Variants in LANCL1 observed in about 807,000 individuals in gnomAD.
LANCL1 encodes glutathione S-transferase LANCL1.
LANCL1 carries 50 observed loss-of-function variants against 50.6 expected under a neutral mutation model. That is an observed-to-expected ratio of 0.99 (90% CI 0.79 to 1.25). The LOEUF (loss-of-function observed/expected upper bound fraction) is 1.25, where lower values mean the gene tolerates loss of function less well. LANCL1 is among the 50% of genes most tolerant of loss of function. The probability of loss-of-function intolerance (pLI) is 0.00; values close to 1 mark genes in which losing one functional copy is unlikely to be tolerated. For missense variants in LANCL1, 532 were observed against 480.7 expected (o/e 1.11, Z -1.00); for synonymous variants, 188 against 178.6 (o/e 1.05, Z -0.42).
chr2:210,454,363 G>A (rs1431107586), intron 4 of LANCL1, among the ~76,000 whole-genome samples: 2 of 152,026 alleles, frequency 1.3e-5, no homozygotes, highest in African/African-American at 4.8e-5. Flanking sequence ...CCAGCAAACA[G>A]TATAAGATTA....
chr2:210,460,783 C>G (rs534786549), intron 3 of LANCL1: 1 of 152,278 alleles, frequency 6.6e-6, no homozygotes, highest in South Asian at 2.1e-4. Flanking sequence ...AGTGCTTTCA[C>G]AGATGATCTG....
In LANCL1 at chr2:210,436,424, G is replaced by A. The variant is rs76379821; in HGVS notation, c.874-32C>T. 4.3e-3 allele frequency: 6,845 copies of A among 1,595,662 alleles called. 239 individuals are homozygous for A. In the African/African-American group the frequency reaches 0.078, roughly 18 times the overall value. On this transcript the variant is annotated intron_variant, in intron 7 of 9. Transcript: ENST00000450366. ...AGGCAAAGGACACATTTTATTATAC[G>A]GGATATAAAAGAAAGTTCCATTGAT... is the stretch of plus-strand genomic sequence containing the variant.
intron 3 of LANCL1, 99 bp from the exon 4 acceptor site, chr2:210,455,413 T>C (rs1046757967): frequency 4.2e-5 from 39 of 925,694 alleles, no homozygotes; most frequent in Non-Finnish European, 5.9e-5. Context: ...TGATAACCTG[T>C]AGCAAATTTA....
At chr2:210,438,322 A>G (rs1693010185) in intron 6 of LANCL1, among the ~76,000 whole-genome samples, 1 of 151,924 alleles carries the variant, frequency 6.6e-6, no homozygotes, top group South Asian at 2.1e-4. Context: ...TTTAGTAAAG[A>G]CGGGGTTTCA....
intron 3 of LANCL1, among the ~76,000 whole-genome samples, chr2:210,463,023 G>C (rs1693915021): frequency 6.6e-6 from 1 of 152,150 alleles, no homozygotes; most frequent in Non-Finnish European, 1.5e-5. Flanking sequence ...TAGAGGCTGA[G>C]AGTAAACACA....
At chr2:210,467,380 A>C (rs1694099121) in intron 3 of LANCL1, among the ~76,000 whole-genome samples, 1 of 152,068 alleles carries the variant, frequency 6.6e-6, no homozygotes, top group African/African-American at 2.4e-5. Context: ...TGCCTCTGCC[A>C]CCCATGAGAG....
chr2:210,464,553 T>C (rs1192249160), intron 3 of LANCL1, among the ~76,000 whole-genome samples: 12 of 151,986 alleles, frequency 7.9e-5, no homozygotes. Flanking sequence ...ACCAGAAATA[T>C]CGAAAAAATT....
At chr2:210,447,302 T>G (rs578009580) in intron 4 of LANCL1, among the ~76,000 whole-genome samples, 4 of 152,202 alleles carry the variant, frequency 2.6e-5, no homozygotes, top group African/African-American at 9.6e-5. Flanking sequence ...GACAAGCAAA[T>G]GCTGAGAGAT....
chr2:210,456,420 T>G (rs1324884235), intron 3 of LANCL1, among the ~76,000 whole-genome samples: 2 of 152,176 alleles, frequency 1.3e-5, no homozygotes, highest in African/African-American at 4.8e-5. Flanking sequence ...CAATTCAATT[T>G]CACATGTATA....
rs1692839668 is a variant in LANCL1, at chr2:210,434,168, T to C, written c.*319A>G. The stretch of plus-strand genomic sequence containing the variant: ...TAAACATTTTTAGAACAGTAACAGA[T>C]GGTTATATTCATAAACTTAAATAAG... On this transcript the variant is annotated 3_prime_UTR_variant, in exon 10 of 10. Transcript: ENST00000450366. 1 of 201,940 alleles carries C rather than the reference T, an allele frequency of 5.0e-6. No homozygotes were observed. The highest frequency in any genetic ancestry group is 9.9e-6 in the Non-Finnish European group (1 of 101,032). 12.5% of individuals were successfully genotyped at this position (201,940 alleles called of 1,614,324 possible). A position where few individuals can be genotyped will look rare whatever the true frequency, so the allele number is the denominator to read the frequency against.
At chr2:210,455,338 TG>T (rs1693640248) in intron 3 of LANCL1, 24 bp from the exon 4 acceptor site, 1 of 1,506,674 alleles carries the variant, frequency 6.6e-7, no homozygotes, top group South Asian at 1.2e-5. Flanking sequence ...AAGGAAACAA[TG>T]TAAAGATGAG....
rs140805421 is a variant in LANCL1 at position 210,446,294 on chromosome 2, C to T, written c.408-4851G>A. ...GCAGCTATCTTTGCTGTTCTGGAGG[C>T]GCCACTGGTGATCAATATCAACAAA... On this transcript the variant is annotated intron_variant, in intron 4 of 9. Coordinates refer to ENST00000450366, the MANE Select transcript of LANCL1 (RefSeq NM_006055.3). 7.2e-5 allele frequency among the ~76,000 whole-genome samples: 11 copies of T among 151,944 alleles called. No homozygotes were observed. In the East Asian group the frequency reaches 7.8e-4, roughly 11 times the overall value.
chr2:210,456,978 A>T (rs1693691543), intron 3 of LANCL1, among the ~76,000 whole-genome samples: 1 of 152,236 alleles, frequency 6.6e-6, no homozygotes, highest in South Asian at 2.1e-4. Context: ...AAGTCTCACA[A>T]GAGTACATTT....
At chr2:210,443,379 T>A in intron 4 of LANCL1, among the ~76,000 whole-genome samples, 1 of 152,204 alleles carries the variant, frequency 6.6e-6, no homozygotes, top group Non-Finnish European at 1.5e-5. Context: ...TTTGATATGA[T>A]CCTATTTAAG....
At chr2:210,471,733 G>T in intron 3 of LANCL1, 6 of 732,358 alleles carry the variant, frequency 8.2e-6, no homozygotes, top group Non-Finnish European at 1.5e-5. Context: ...TGTCAGGCAT[G>T]AATTACATGA....
In LANCL1 at chr2:210,472,082, T is replaced by C; in HGVS notation, c.82-6A>G. On this transcript the variant is annotated splice_polypyrimidine_tract_variant and splice_region_variant and intron_variant, in intron 2 of 9. Transcript: ENST00000450366. ...TGTGAGAACTCAGGAGTCAGCTAGA[T>C]ATTAAAGGAAAACAAGTATCAAAAT... is the stretch of plus-strand genomic sequence containing the variant. 2 of 1,595,786 alleles carry C rather than the reference T, an allele frequency of 1.3e-6. No homozygotes were observed. Among genetic ancestry groups the C allele is most frequent in the Non-Finnish European group, 1.7e-6 (2 of 1,163,622 alleles).
intron 7 of LANCL1, among the ~76,000 whole-genome samples, chr2:210,436,629 G>A (rs1692944699): frequency 6.6e-6 from 1 of 152,120 alleles, no homozygotes; most frequent in African/African-American, 2.4e-5. Flanking sequence ...GCACATGTGT[G>A]TATGTTTATG....
chr2:210,440,447 T>C (rs1693091774), intron 6 of LANCL1, 151 bp downstream of exon 6: 4 of 674,286 alleles, frequency 5.9e-6, no homozygotes, highest in Non-Finnish European at 6.8e-6. Context: ...AACATTACTT[T>C]TGTTTGTCTA....
In LANCL1 at chr2:210,431,542, T is replaced by C. The variant is rs967504293; in HGVS notation, c.*2945A>G. On this transcript the variant is annotated 3_prime_UTR_variant, in exon 10 of 10. Transcript: ENST00000450366. ...GTTCTAGCAGCCAAAGGAGTATACA[T>C]GTAAATAGTCACTCTTCACATTTTC... The C allele has an allele frequency of 6.6e-6, 1 of 152,204 alleles. No individual in the cohort carries two copies. Among genetic ancestry groups the C allele is most frequent in the Non-Finnish European group, 1.5e-5 (1 of 68,044 alleles). 9.4% of individuals were successfully genotyped at this position (152,204 alleles called of 1,614,324 possible). A position where few individuals can be genotyped will look rare whatever the true frequency, so the allele number is the denominator to read the frequency against.
Sources: allele counts gnomAD v4.1 joint callset (sites outside exome capture counted in the v4.1 genomes callset), GRCh38; gene constraint gnomAD v4.1.1; transcripts MANE v1.5; gene names NCBI Gene and HGNC (gene_info 2026-07-23, HGNC 2026-07-21).